The following SP2 variants were observed in gnomAD, a reference collection of about 807,000 sequenced individuals.
SP2 encodes the protein transcription factor Sp2.
SP2 carries 9 observed loss-of-function variants against 50.1 expected under a neutral mutation model. The observed-to-expected ratio is 0.18, with a 90% CI of 0.11 to 0.31. The LOEUF (loss-of-function observed/expected upper bound fraction) is 0.31, where lower values mean the gene tolerates loss of function less well. SP2 is among the 10% of genes least tolerant of loss of function. The pLI is 1.00. For missense variants in SP2, 581 were observed against 806.5 expected, an observed-to-expected ratio of 0.72 and a Z score of 3.39; for synonymous variants, 313 against 326.6, an observed-to-expected ratio of 0.96 and a Z score of 0.45.
chr17:47,917,401 G>C (rs2035256788), intron 3 of SP2, among the ~76,000 whole-genome samples: 1 of 151,972 alleles, frequency 6.6e-6, no homozygotes, highest in Non-Finnish European at 1.5e-5. Context: ...ATGGTGAGGG[G>C]ATAGATACAT....
intron 1 of SP2, among the ~76,000 whole-genome samples, chr17:47,904,355 G>C (rs1224400622): frequency 6.6e-6 from 1 of 152,030 alleles, no homozygotes; most frequent in Admixed American, 6.6e-5. Flanking sequence ...TGGCATGCAT[G>C]AGGAGGGTGC....
At chr17:47,923,633 G>A (rs1048049764) in intron 4 of SP2, among the ~76,000 whole-genome samples, 3 of 152,234 alleles carry the variant, frequency 2.0e-5, no homozygotes, top group Non-Finnish European at 4.4e-5. Context: ...CAGTTCAGTG[G>A]TGAGATTTAT....
At chr17:47,896,621 C>G (rs570773927) in intron 1 of SP2, among the ~76,000 whole-genome samples, 2 of 152,218 alleles carry the variant, frequency 1.3e-5, no homozygotes, top group African/African-American at 2.4e-5. Context: ...TGCCGACCCA[C>G]TTCAACGCCG....
At chr17:47,911,244 A>C (rs1719907601) in intron 1 of SP2, among the ~76,000 whole-genome samples, 1 of 151,326 alleles carries the variant, frequency 6.6e-6, no homozygotes. Flanking sequence ...TAAACAAACA[A>C]ATAAATCTTT....
chr17:47,911,193 T>C (rs1255845249), intron 1 of SP2, among the ~76,000 whole-genome samples: 1 of 151,936 alleles, frequency 6.6e-6, no homozygotes, highest in African/African-American at 2.4e-5. Flanking sequence ...GCCACTGCTC[T>C]CCAGCCAGGG....
In SP2 at chr17:47,916,251, A is replaced by C; in HGVS notation, c.180A>C (p.Pro60=). 1 of 1,613,898 alleles carries C rather than the reference A, an allele frequency of 6.2e-7. No individual in the cohort carries two copies. The highest frequency in any genetic ancestry group is 8.5e-7 in the Non-Finnish European group (1 of 1,179,982). ...VEAAVTPPAP[P]QPTPRKLVPI... ...CTGCTGTGACACCTCCTGCTCCCCC[A>C]CAGCCCACACCGCGGAAACTTGTCC... is the stretch of plus-strand genomic sequence containing the variant. The change falls in exon 3 of 7, where the codon CCA becomes CCC. Residue 60 remains proline (P), a synonymous_variant. Coordinates refer to ENST00000376741, the MANE Select transcript of SP2 (RefSeq NM_003110.6). The surrounding 1 kb of genome is among the most constrained non-coding windows in gnomAD (Gnocchi z 4.7).
intron 3 of SP2, among the ~76,000 whole-genome samples, chr17:47,921,612 C>T (rs1472536702): frequency 1.3e-5 from 2 of 152,244 alleles, no homozygotes; most frequent in Admixed American, 1.3e-4. Context: ...TTTTCATTGA[C>T]CTAGATTTGG....
intron 3 of SP2, chr17:47,918,386 G>A (rs914870239): frequency 1.3e-5 from 2 of 152,142 alleles, no homozygotes; most frequent in African/African-American, 4.8e-5. Context: ...GATATTTTAT[G>A]TTGCCAGGTG....
In SP2 at chr17:47,925,428, G is replaced by A. The variant is rs1273499495; in HGVS notation, c.1628G>A (p.Arg543His). ...GKTFRKTSLLRAHVRLHTGER... is the reference protein window; with the variant it reads ...GKTFRKTSLLHAHVRLHTGER... ...ACGTTCCGTAAGACGTCCTTGCTGC[G>A]TGCCCATGTGCGCCTGCACACTGGC... The change falls in exon 6 of 7, where the codon CGT (arginine) becomes CAT (histidine). Residue 543 changes from arginine to histidine, a missense_variant. By Grantham distance (29) the Arg-to-His change is conservative. Around this residue, in one of 2 missense-constraint regions of SP2, gnomAD observed 184 missense variants for 315.5 expected, o/e 0.58. Transcript: ENST00000376741. 7 of 1,614,060 alleles carry A rather than the reference G, an allele frequency of 4.3e-6. No homozygotes were observed. Among genetic ancestry groups the A allele is most frequent in the African/African-American group, 2.7e-5 (2 of 74,938 alleles).
intron 1 of SP2, among the ~76,000 whole-genome samples, chr17:47,911,165 G>A (rs1436805754): frequency 6.6e-6 from 1 of 152,160 alleles, no homozygotes; most frequent in Non-Finnish European, 1.5e-5. Context: ...GGCAGAGGTT[G>A]CGGTGAGCCG....
intron 6 of SP2, 25 bp from the exon 7 acceptor site, chr17:47,927,686 CACAGGGTCTGTGG>C (rs756229960): frequency 3.3e-5 from 47 of 1,423,246 alleles, no homozygotes; most frequent in Middle Eastern, 1.7e-4. Context: ...AGGGTCTGTG[CACAGGGTCTGTGG>C]GTGATGGGCA....
Position 47,901,679 on chromosome 17 carries a change from CAT to C in SP2, c.7+5387_7+5388del, listed in dbSNP as rs772409652. ...AGCAGGACTGGACTGCACTGGCCCA[CAT>C]GTGAGGTGACTGGTGGGGTTGAGGG... is the stretch of plus-strand genomic sequence containing the variant. On this transcript the variant is annotated intron_variant, in intron 1 of 6. Coordinates refer to ENST00000376741, the MANE Select transcript of SP2 (RefSeq NM_003110.6). Among the ~76,000 whole-genome samples the C allele has an allele frequency of 4.6e-5, 7 of 152,232 alleles. No individual in the cohort carries two copies. The East Asian group carries it at 1.2e-3, about 25-fold the overall frequency.
intron 1 of SP2, among the ~76,000 whole-genome samples, chr17:47,913,048 A>G (rs2035053952): frequency 6.6e-6 from 1 of 151,790 alleles, no homozygotes; most frequent in Admixed American, 6.6e-5. Context: ...TTTAGTAGAG[A>G]TGGGGTTTCA....
chr17:47,907,041 T>C (rs1245547307), intron 1 of SP2, among the ~76,000 whole-genome samples: 1 of 151,858 alleles, frequency 6.6e-6, no homozygotes, highest in African/African-American at 2.4e-5. Context: ...CATGGGAATT[T>C]TGAGGAAGAG....
chr17:47,896,251 G>T lies in SP2; in HGVS notation c.-36G>T. ...GGGCGGTGTCAGGCTCTCGGTGGCG[G>T]CGGAGGCGGCGGAGGCCAGGGAGGA... On this transcript the variant is annotated 5_prime_UTR_variant, in exon 1 of 7. Transcript: ENST00000376741. 1 of 1,239,172 alleles carries T rather than the reference G, an allele frequency of 8.1e-7. No individual in the cohort carries two copies. The allele number at this position is 1,239,172 out of a possible 1,614,324, so 76.8% of individuals were successfully genotyped here.
chr17:47,901,313 A>G (rs1458054825), intron 1 of SP2, among the ~76,000 whole-genome samples: 2 of 151,870 alleles, frequency 1.3e-5, no homozygotes, highest in Admixed American at 6.6e-5. Context: ...ACACCCAGCT[A>G]ATTTTGTATT....
At position 47,923,017 on chromosome 17, in the gene SP2, C is replaced by G. The variant is rs779518399; in HGVS notation, c.1115C>G (p.Pro372Arg). 1.2e-6 allele frequency: 2 copies of G among 1,614,188 alleles called. No individual in the cohort carries two copies. The highest frequency in any genetic ancestry group is 1.7e-6 in the Non-Finnish European group (2 of 1,180,036). ...CAGACAGTCCTTGTCCAGGACAGCC[C>G]CCCAGCAACAGCTGCAGCCACCTCT... Reference protein sequence around the residue: ...EVQTVLVQDSPPATAAATSNT... With the variant: ...EVQTVLVQDSRPATAAATSNT... The change falls in exon 4 of 7, where the codon CCC (proline) becomes CGC (arginine). Residue 372 changes from proline to arginine, a missense_variant. Physicochemically the swap from Pro to Arg is moderately radical, Grantham distance 103. This residue lies in a region of SP2 where 397 missense variants were observed against 491.0 expected (regional missense o/e 0.81). Coordinates refer to ENST00000376741, the MANE Select transcript of SP2 (RefSeq NM_003110.6).
chr17:47,930,326 C>T (rs2035793971), downstream of SP2, among the ~76,000 whole-genome samples: 3 of 152,164 alleles, frequency 2.0e-5, no homozygotes, highest in Admixed American at 6.5e-5. Flanking sequence ...TGCTCTCAGG[C>T]ACAAAGAATG....
Position 47,923,192 on chromosome 17 carries a change from G to T in SP2, c.1290G>T (p.Ala430=). 6.2e-7 allele frequency: 1 copy of T among 1,613,894 alleles called. No individual in the cohort carries two copies. The highest frequency in any genetic ancestry group is 8.5e-7 in the Non-Finnish European group (1 of 1,180,026). ...TCAGCCTGAATGCAGCCCAGTTGGCGGCAGCTGCCCAGGCAATGCAGACCA... is the reference window on the plus strand; with the variant it reads ...TCAGCCTGAATGCAGCCCAGTTGGCTGCAGCTGCCCAGGCAATGCAGACCA... ...SIISLNAAQL[A]AAAQAMQTIN... is the part of the protein sequence containing the mutation. The change falls in exon 4 of 7, where the codon GCG becomes GCT. Residue 430 remains alanine, a synonymous_variant. Transcript: ENST00000376741.
Sources: allele counts gnomAD v4.1 joint callset (sites outside exome capture counted in the v4.1 genomes callset), GRCh38; gene constraint gnomAD v4.1.1; regional missense constraint gnomAD v4.1.1; non-coding constraint Gnocchi (gnomAD v3.1); transcripts MANE v1.5; gene names NCBI Gene and HGNC (gene_info 2026-07-23, HGNC 2026-07-21).